Variants in TLK2 observed in about 807,000 individuals in gnomAD.
TLK2 encodes serine/threonine-protein kinase tousled-like 2.
In TLK2, 6 loss-of-function variants were observed where a neutral mutation model predicts 117.3. That is an observed-to-expected ratio of 0.05 (90% confidence interval 0.03 to 0.10). TLK2 has a LOEUF of 0.10. TLK2 is among the 10% of genes least tolerant of loss of function. TLK2 has a pLI of 1.00. For missense variants in TLK2, 299 were observed against 901.2 expected (o/e 0.33, Z 8.56); for synonymous variants, 257 against 316.7 (o/e 0.81, Z 2.00).
Position 62,491,217 on chromosome 17 carries a change from C to T in TLK2, c.81+10011C>T, listed in dbSNP as rs530898293. Among the ~76,000 whole-genome samples the T allele has an allele frequency of 2.9e-4, 44 of 152,324 alleles. No individual in the cohort carries two copies. The South Asian group carries it at 8.5e-3, about 29-fold the overall frequency. On this transcript the variant is annotated intron_variant, in intron 2 of 21. Transcript: ENST00000346027. ...TCACTTCTCATCTGCTTCCTTCTTC[C>T]TTCCTGCCTATAAGTGGTTGGCATT...
intron 7 of TLK2, among the ~76,000 whole-genome samples, chr17:62,541,859 A>G (rs572300870): frequency 1.2e-4 from 18 of 152,300 alleles, no homozygotes; most frequent in Non-Finnish European, 1.9e-4. Context: ...AAAAAAAATT[A>G]GTATTTGGAC....
chr17:62,591,350 T>C (rs2082066351), intron 16 of TLK2, among the ~76,000 whole-genome samples: 1 of 150,514 alleles, frequency 6.6e-6, no homozygotes. Flanking sequence ...GTTAAATATA[T>C]GTAATTTAAA....
At chr17:62,567,236 TA>T (rs1230657391) in intron 11 of TLK2, among the ~76,000 whole-genome samples, 1 of 151,984 alleles carries the variant, frequency 6.6e-6, no homozygotes, top group Non-Finnish European at 1.5e-5. Flanking sequence ...CCCTGTCTCA[TA>T]ACAAAACAAA....
At chr17:62,519,465 T>C in intron 2 of TLK2, among the ~76,000 whole-genome samples, 1 of 152,150 alleles carries the variant, frequency 6.6e-6, no homozygotes. Flanking sequence ...TTTTTCAGGA[T>C]TGGTTCCTAG....
At chr17:62,559,608 C>T (rs1340455142) in intron 9 of TLK2, among the ~76,000 whole-genome samples, 1 of 151,984 alleles carries the variant, frequency 6.6e-6, no homozygotes, top group Non-Finnish European at 1.5e-5. Flanking sequence ...GAACTCCTGA[C>T]CTCAAGTCAT....
At chr17:62,566,310 T>C (rs1015490421) in intron 11 of TLK2, among the ~76,000 whole-genome samples, 4 of 152,124 alleles carry the variant, frequency 2.6e-5, no homozygotes, top group African/African-American at 9.7e-5. Context: ...TACTTTTGAG[T>C]AATAATGAAA....
intron 4 of TLK2, 25 bp from the exon 5 acceptor site, chr17:62,523,109 G>A: frequency 6.3e-7 from 1 of 1,583,578 alleles, no homozygotes; most frequent in Non-Finnish European, 8.5e-7. Flanking sequence ...TGGAAAAACT[G>A]TATTTACTTT....
intron 2 of TLK2, chr17:62,516,746 A>C: frequency 3.2e-6 from 5 of 1,557,582 alleles, no homozygotes; most frequent in Non-Finnish European, 4.4e-6. Flanking sequence ...ATGGCAATCC[A>C]GTTCTTCTTA....
intron 12 of TLK2, among the ~76,000 whole-genome samples, chr17:62,575,654 T>C (rs1039410272): frequency 6.6e-6 from 1 of 152,042 alleles, no homozygotes; most frequent in Non-Finnish European, 1.5e-5. Context: ...TTTTTTTCTT[T>C]TATTTTCTTT....
intron 9 of TLK2, among the ~76,000 whole-genome samples, chr17:62,555,631 C>T (rs1598558835): frequency 6.6e-6 from 1 of 151,106 alleles, no homozygotes; most frequent in African/African-American, 2.4e-5. Flanking sequence ...TACAGGCGCC[C>T]GCCACCACGC....
chr17:62,480,709 ACT>A (rs2071537924), intron 1 of TLK2, among the ~76,000 whole-genome samples: 1 of 152,214 alleles, frequency 6.6e-6, no homozygotes, highest in African/African-American at 2.4e-5. Context: ...TAGTTTAAGG[ACT>A]ACTTCCTGAG....
At chr17:62,541,201 C>G (rs1163044743) in intron 7 of TLK2, among the ~76,000 whole-genome samples, 1 of 152,144 alleles carries the variant, frequency 6.6e-6, no homozygotes, top group African/African-American at 2.4e-5. Context: ...CTCCTAGGCC[C>G]TGCGTTGTTT....
At chr17:62,499,445 G>A (rs2074001196) in intron 2 of TLK2, among the ~76,000 whole-genome samples, 1 of 152,048 alleles carries the variant, frequency 6.6e-6, no homozygotes, top group Non-Finnish European at 1.5e-5. Context: ...GATTACAGGT[G>A]TTAGGCACCG....
intron 12 of TLK2, among the ~76,000 whole-genome samples, chr17:62,575,317 C>T (rs1171190762): frequency 6.6e-6 from 1 of 152,200 alleles, no homozygotes; most frequent in African/African-American, 2.4e-5. Context: ...ATTATCCTTT[C>T]TTGGCCCCGA....
chr17:62,574,945 G>A (rs2080655917), intron 12 of TLK2, among the ~76,000 whole-genome samples: 1 of 152,210 alleles, frequency 6.6e-6, no homozygotes, highest in Non-Finnish European at 1.5e-5. Flanking sequence ...GCAAGTCCAA[G>A]TAGGGGCTCA....
chr17:62,595,881 T>C (rs754161918), intron 16 of TLK2, among the ~76,000 whole-genome samples: 9 of 152,180 alleles, frequency 5.9e-5, no homozygotes, highest in South Asian at 2.1e-4. Context: ...CCCTTTGATG[T>C]TACCCGAGCA....
intron 21 of TLK2, among the ~76,000 whole-genome samples, chr17:62,609,855 G>A (rs1379956543): frequency 6.6e-6 from 1 of 152,192 alleles, no homozygotes; most frequent in Non-Finnish European, 1.5e-5. Context: ...CTGTGCACCT[G>A]TAATGTGCTA....
chr17:62,529,952 T>G (rs1251369635), intron 6 of TLK2, among the ~76,000 whole-genome samples: 1 of 152,096 alleles, frequency 6.6e-6, no homozygotes, highest in East Asian at 1.9e-4. Flanking sequence ...CCTAGCACTT[T>G]GGGAGACCTG....
intron 16 of TLK2, among the ~76,000 whole-genome samples, chr17:62,594,475 C>T (rs1001615129): frequency 6.6e-6 from 1 of 152,232 alleles, no homozygotes; most frequent in East Asian, 1.9e-4. Context: ...GAAACTACAA[C>T]TTTAAGGGAA....
Sources: gnomAD v4.1 joint callset for allele counts (sites outside exome capture counted in the v4.1 genomes callset) on GRCh38, gnomAD v4.1.1 for gene constraint, MANE v1.5 for transcripts, NCBI Gene and HGNC (gene_info 2026-07-23, HGNC 2026-07-21) for gene names.